The following CADPS variants were observed in gnomAD, a reference collection of about 807,000 sequenced individuals.
CADPS encodes the protein calcium-dependent secretion activator 1.
Under a neutral mutation model 167.3 loss-of-function variants are expected in CADPS, and 57 were observed. That is an observed-to-expected ratio of 0.34 (90% confidence interval 0.28 to 0.42). The LOEUF is 0.42. Ranked by LOEUF, CADPS falls within the 20% of genes least tolerant of loss-of-function variation. The pLI is 1.00. For missense variants in CADPS, 1,414 were observed against 1,738.1 expected (o/e 0.81, Z 3.32); for synonymous variants, 676 against 635.3 (o/e 1.06, Z -0.96).
chr3:62,562,300 T>C (rs888573738), intron 9 of CADPS, among the ~76,000 whole-genome samples: 7 of 152,150 alleles, frequency 4.6e-5, no homozygotes, highest in African/African-American at 1.7e-4. Context: ...GACTCCTGAT[T>C]GGCACTGAAG....
chr3:62,478,278 G>A lies in CADPS; in HGVS notation c.3312C>T (p.Ile1104=), dbSNP rs772014872. 1.3e-5 allele frequency: 21 copies of A among 1,613,624 alleles called. No homozygotes were observed. The highest frequency in any genetic ancestry group is 8.9e-5 in the East Asian group (4 of 44,892). ...QRLKLMASDM[I]ESCVKRTRIA... is the part of the protein sequence containing the mutation. Reference sequence around the variant, plus strand: ...ATACTTACCTTTTGACACAAGATTCGATCATGTCACTTGCCATCAACTTCA... The same window carrying A: ...ATACTTACCTTTTGACACAAGATTCAATCATGTCACTTGCCATCAACTTCA... The change falls in exon 23 of 30, where the codon ATC becomes ATT. Residue 1104 remains isoleucine, a synonymous_variant. Coordinates refer to ENST00000383710, the MANE Select transcript of CADPS (RefSeq NM_003716.4). The surrounding 1 kb of genome is among the most constrained non-coding windows in gnomAD (Gnocchi z 5.7).
At chr3:62,828,444 A>G (rs1559813995) in intron 1 of CADPS, among the ~76,000 whole-genome samples, 1 of 152,186 alleles carries the variant, frequency 6.6e-6, no homozygotes, top group African/African-American at 2.4e-5. Context: ...GAACTGGGCA[A>G]ATGGCCAATT....
At chr3:62,607,807 C>A (rs1303235350) in intron 6 of CADPS, among the ~76,000 whole-genome samples, 1 of 152,228 alleles carries the variant, frequency 6.6e-6, no homozygotes, top group East Asian at 1.9e-4. Context: ...TCCCCAGGGA[C>A]TGGCTTGTGG....
intron 9 of CADPS, among the ~76,000 whole-genome samples, chr3:62,564,692 C>T (rs952218956): frequency 7.3e-5 from 11 of 151,470 alleles, no homozygotes; most frequent in African/African-American, 2.2e-4. Context: ...CTGCAACTTC[C>T]GCCTCCTAGG....
At chr3:62,404,522 G>A (rs996005921) in intron 28 of CADPS, 1 of 152,208 alleles carries the variant, frequency 6.6e-6, no homozygotes, top group Non-Finnish European at 1.5e-5. Flanking sequence ...GTTTCACCTT[G>A]CAAGAAACGA....
At chr3:62,606,418 G>C (rs2060703785) in intron 6 of CADPS, among the ~76,000 whole-genome samples, 1 of 152,108 alleles carries the variant, frequency 6.6e-6, no homozygotes, top group Non-Finnish European at 1.5e-5. Flanking sequence ...GAGGAAAAGA[G>C]ACCTGACCTA....
intron 1 of CADPS, chr3:62,796,280 A>G (rs1018350114): frequency 2.0e-5 from 3 of 152,228 alleles, no homozygotes; most frequent in African/African-American, 7.2e-5. Context: ...CTAGCAGGAG[A>G]TAACCACATT....
At chr3:62,525,473 C>T (rs2071847456) in intron 13 of CADPS, among the ~76,000 whole-genome samples, 1 of 152,132 alleles carries the variant, frequency 6.6e-6, no homozygotes, top group African/African-American at 2.4e-5. Context: ...GCAACATGCT[C>T]ATGTTCACAA....
chr3:62,747,648 T>C (rs2081770217), intron 3 of CADPS, among the ~76,000 whole-genome samples: 1 of 152,232 alleles, frequency 6.6e-6, no homozygotes, highest in Admixed American at 6.5e-5. Context: ...GAGAATCCAA[T>C]ATTGAAAATG....
chr3:62,683,130 T>G (rs141809319), intron 3 of CADPS, among the ~76,000 whole-genome samples: 105 of 152,060 alleles, frequency 6.9e-4, no homozygotes, highest in East Asian at 5.8e-4. Context: ...AAGTTGTGTG[T>G]GGGGTCTTGT....
intron 13 of CADPS, chr3:62,530,733 G>A (rs1024377999): frequency 1.2e-5 from 16 of 1,288,658 alleles, no homozygotes; most frequent in Admixed American, 9.2e-5. Flanking sequence ...TTAGCTTCTG[G>A]TTCAGGTGGG....
At chr3:62,599,649 T>TAA (rs1320098667) in intron 6 of CADPS, among the ~76,000 whole-genome samples, 1 of 67,458 alleles carries the variant, frequency 1.5e-5, no homozygotes, top group African/African-American at 6.2e-5. Context: ...TAATATATAA[T>TAA]ATATAATATA....
chr3:62,568,382 T>A (rs1230058236), intron 9 of CADPS, among the ~76,000 whole-genome samples: 1 of 152,224 alleles, frequency 6.6e-6, no homozygotes, highest in African/African-American at 2.4e-5. Flanking sequence ...CCAGTGCAGC[T>A]AGAACGAAGC....
At chr3:62,774,416 G>C (rs770559515) in intron 1 of CADPS, among the ~76,000 whole-genome samples, 2 of 151,986 alleles carry the variant, frequency 1.3e-5, no homozygotes, top group African/African-American at 2.4e-5. Context: ...AGGACTTCTA[G>C]AGCCAAAGAT....
In CADPS at chr3:62,592,679, C is replaced by T. The variant is rs367957940; in HGVS notation, c.1395G>A (p.Glu465=). 6 of 1,613,982 alleles carry T rather than the reference C, an allele frequency of 3.7e-6. No homozygotes were observed. The highest frequency in any genetic ancestry group is 1.3e-5 in the African/African-American group (1 of 74,932). The change falls in exon 7 of 30, where the codon GAG becomes GAA. Residue 465 remains glutamate, a synonymous_variant. Coordinates refer to ENST00000383710, the MANE Select transcript of CADPS (RefSeq NM_003716.4). ...LPAVKVKLFT[E]STGVLALEDK... is the part of the protein sequence containing the mutation. ...CCTCCAACGCCAGGACGCCTGTGCT[C>T]TCTGTGAACAGCTTCACCTTCACAG...
intron 16 of CADPS, chr3:62,513,538 T>G: frequency 2.6e-6 from 2 of 769,728 alleles, no homozygotes; most frequent in East Asian, 2.7e-5. Flanking sequence ...GCTAAAAAAC[T>G]TGAAGCAAGG....
At chr3:62,698,353 C>T (rs1053797415) in intron 3 of CADPS, among the ~76,000 whole-genome samples, 1 of 152,114 alleles carries the variant, frequency 6.6e-6, no homozygotes, top group Non-Finnish European at 1.5e-5. Flanking sequence ...AGTTACTTCC[C>T]ACTGTTTCAT....
chr3:62,630,220 A>G (rs1311681287), intron 6 of CADPS, among the ~76,000 whole-genome samples: 1 of 152,198 alleles, frequency 6.6e-6, no homozygotes, highest in Non-Finnish European at 1.5e-5. Context: ...GCTAAATCAG[A>G]ATGCAAAGTG....
intron 1 of CADPS, among the ~76,000 whole-genome samples, chr3:62,823,994 G>A (rs887377591): frequency 1.3e-5 from 2 of 151,902 alleles, no homozygotes; most frequent in Non-Finnish European, 2.9e-5. Flanking sequence ...CCTCTTTGCA[G>A]GCATTACATA....
Sources: allele counts gnomAD v4.1 joint callset (sites outside exome capture counted in the v4.1 genomes callset), GRCh38; gene constraint gnomAD v4.1.1; non-coding constraint Gnocchi (gnomAD v3.1); transcripts MANE v1.5; gene names NCBI Gene and HGNC (gene_info 2026-07-23, HGNC 2026-07-21).